The following APC variants were observed in gnomAD, a reference collection of about 807,000 sequenced individuals.
APC encodes APC regulator of Wnt signaling pathway.
In APC, 72 loss-of-function variants were observed where a neutral mutation model predicts 247.0. The ratio of observed to expected loss-of-function variants is 0.29; its 90% CI spans 0.24 to 0.35. The LOEUF is 0.35. Ranked by LOEUF, APC falls within the 10% of genes least tolerant of loss-of-function variation. The pLI is 1.00. For missense variants in APC, 3,400 were observed against 3,360.7 expected (o/e 1.01, Z -0.29); for synonymous variants, 1,254 against 1,162.5 (o/e 1.08, Z -1.60).
intron 2 of APC, among the ~76,000 whole-genome samples, chr5:112,761,867 CAT>C (rs957700999): frequency 6.6e-6 from 1 of 152,040 alleles, no homozygotes; most frequent in Non-Finnish European, 1.5e-5. Flanking sequence ...AAAGACTAAA[CAT>C]AAAAATGTAT....
chr5:112,717,967 G>A (rs1581019845), intron 1 of APC, among the ~76,000 whole-genome samples: 1 of 57,096 alleles, frequency 1.8e-5, no homozygotes, highest in Non-Finnish European at 3.4e-5. Context: ...GCATTGTTCT[G>A]GATATTGCTT....
intron 15 of APC, among the ~76,000 whole-genome samples, chr5:112,836,903 G>A (rs1218171734): frequency 6.6e-6 from 1 of 152,016 alleles, no homozygotes; most frequent in African/African-American, 2.4e-5. Context: ...GTTTCACCAT[G>A]TTGGCCAGGC....
chr5:112,809,277 A>C (rs906710474), intron 8 of APC, among the ~76,000 whole-genome samples: 4 of 152,016 alleles, frequency 2.6e-5, no homozygotes, highest in Non-Finnish European at 5.9e-5. Context: ...TGACCCTGGA[A>C]GGTCAAGACT....
chr5:112,715,043 T>C (rs930883303), intron 1 of APC, among the ~76,000 whole-genome samples: 1 of 152,220 alleles, frequency 6.6e-6, no homozygotes, highest in South Asian at 2.1e-4. Flanking sequence ...TCATCAGTTA[T>C]TTTTGAATCC....
chr5:112,807,872 T>C (rs547921709), intron 8 of APC, among the ~76,000 whole-genome samples: 44 of 152,294 alleles, frequency 2.9e-4, no homozygotes, highest in Non-Finnish European at 5.3e-4. Flanking sequence ...AATACATAAC[T>C]GGCCAGGTGT....
chr5:112,842,268 C>G lies in APC; in HGVS notation c.6674C>G (p.Ser2225Cys), dbSNP rs759307079. Residue 2225 changes from serine (S) to cysteine (C), a missense_variant, in exon 16 of 16, where the codon TCT becomes TGT. Coordinates refer to ENST00000257430, the MANE Select transcript of APC (RefSeq NM_000038.6). ...QPLQANMPSISRGRTMIHIPG... is the reference protein window; with the variant it reads ...QPLQANMPSICRGRTMIHIPG... The stretch of plus-strand genomic sequence containing the variant: ...CTTCAAGCAAACATGCCTTCAATCT[C>G]TCGAGGCAGGACAATGATTCATATT... 3.1e-6 allele frequency: 5 copies of G among 1,614,014 alleles called. No individual in the cohort carries two copies. The highest frequency in any genetic ancestry group is 1.7e-4 in the Middle Eastern group (1 of 6,060).
chr5:112,710,570 G>T (rs752331137), intron 1 of APC, among the ~76,000 whole-genome samples: 1 of 152,040 alleles, frequency 6.6e-6, no homozygotes, highest in South Asian at 2.1e-4. Context: ...ATAGATGCTT[G>T]TATCTTCTGC....
upstream of APC, among the ~76,000 whole-genome samples, chr5:112,737,077 C>T (rs556152731): frequency 2.3e-4 from 35 of 152,282 alleles, no homozygotes; most frequent in South Asian, 1.4e-3. Context: ...TTAAGCATCA[C>T]CTGGTTCGAT....
At chr5:112,833,535 G>A (rs1018332121) in intron 14 of APC, among the ~76,000 whole-genome samples, 1 of 152,028 alleles carries the variant, frequency 6.6e-6, no homozygotes, top group African/African-American at 2.4e-5. Context: ...TGTTGCCCAG[G>A]CTGGTTTTTA....
upstream of APC, among the ~76,000 whole-genome samples, chr5:112,737,350 A>G (rs984167265): frequency 8.5e-5 from 13 of 152,210 alleles, no homozygotes; most frequent in Admixed American, 6.5e-5. Context: ...GATCTCCACT[A>G]CTAAGCTGCT....
At chr5:112,799,950 A>G (rs762611115) in intron 7 of APC, among the ~76,000 whole-genome samples, 1 of 152,162 alleles carries the variant, frequency 6.6e-6, no homozygotes, top group African/African-American at 2.4e-5. Context: ...GCACTTCCCA[A>G]GAGAGCTCTT....
In APC at chr5:112,768,867, A is replaced by G. The variant is rs75734746; in HGVS notation, c.422+1477A>G. 3.3e-5 allele frequency among the ~76,000 whole-genome samples: 5 copies of G among 152,092 alleles called. No individual in the cohort carries two copies. Among genetic ancestry groups the G allele is most frequent in the Non-Finnish European group, 7.4e-5 (5 of 68,020 alleles). ...AGTAGCGTAGAACACAGTCTTATAC[A>G]GTAGTGTAGAACACAGTCCTATACA... On this transcript the variant is annotated intron_variant, in intron 4 of 15. Coordinates refer to ENST00000257430, the MANE Select transcript of APC (RefSeq NM_000038.6).
In APC at chr5:112,842,685, T is replaced by G. The variant is rs778574209; in HGVS notation, c.7091T>G (p.Met2364Arg). Reference sequence around the variant, plus strand: ...ACTAAGTCCTCAGGTTCTGGAAAAATGTCATATACATCTCCAGGTAGACAG... The same window carrying G: ...ACTAAGTCCTCAGGTTCTGGAAAAAGGTCATATACATCTCCAGGTAGACAG... ...ASTKSSGSGK[M>R]SYTSPGRQMS... is the part of the protein sequence containing the mutation. Residue 2364 changes from methionine (M) to arginine (R), a missense_variant, in exon 16 of 16, where the codon ATG becomes AGG. By Grantham distance (91) the Met-to-Arg change is moderately conservative (BLOSUM62 -1). Coordinates refer to ENST00000257430, the MANE Select transcript of APC (RefSeq NM_000038.6). The G allele has an allele frequency of 6.2e-7, 1 of 1,613,434 alleles. No individual in the cohort carries two copies. The highest frequency in any genetic ancestry group is 1.7e-5 in the Admixed American group (1 of 60,006).
intron 2 of APC, among the ~76,000 whole-genome samples, chr5:112,759,703 C>T (rs1169115055): frequency 6.6e-6 from 1 of 152,154 alleles, no homozygotes; most frequent in African/African-American, 2.4e-5. Flanking sequence ...ACTTCTAAGA[C>T]AATGTGTGAT....
chr5:112,779,532 T>C (rs1331038998), intron 5 of APC, among the ~76,000 whole-genome samples: 2 of 152,212 alleles, frequency 1.3e-5, no homozygotes, highest in Admixed American at 6.5e-5. Flanking sequence ...TAAGTATTTT[T>C]TATTTTCACA....
intron 6 of APC, among the ~76,000 whole-genome samples, chr5:112,785,920 A>T (rs1257782273): frequency 2.0e-5 from 3 of 152,214 alleles, no homozygotes; most frequent in African/African-American, 7.2e-5. Flanking sequence ...ATGGAAACTC[A>T]AAAGCAATAA....
chr5:112,810,725 A>G (rs369798753), intron 8 of APC, among the ~76,000 whole-genome samples: 131 of 152,346 alleles, frequency 8.6e-4, no homozygotes, highest in African/African-American at 2.8e-3. Flanking sequence ...TAGCAAGAGA[A>G]TTATGAAAGT....
At chr5:112,833,473 G>T (rs144732664) in intron 14 of APC, among the ~76,000 whole-genome samples, 5 of 151,908 alleles carry the variant, frequency 3.3e-5, no homozygotes, top group African/African-American at 1.2e-4. Flanking sequence ...GAGCCATTGC[G>T]CCTGGCCGCC....
At position 112,843,632 on chromosome 5, in the gene APC, C is replaced by G. The variant is rs587780553; in HGVS notation, c.8038C>G (p.Pro2680Ala). Residue 2680 changes from proline (P) to alanine (A), a missense_variant, in exon 16 of 16, where the codon CCC becomes GCC. By Grantham distance (27) the Pro-to-Ala change is conservative. Around this residue, in one of 9 missense-constraint regions of APC, gnomAD observed 1,788 missense variants for 1,649.5 expected, o/e 1.08. Transcript: ENST00000257430. This position sits in a 1 kb window ranked among gnomAD's most constrained non-coding sequence, Gnocchi z 4.8. ...TGGAAGATCTCCCACAGGTAATACTCCCCCGGTGATTGACAGTGTTTCAGA... is the reference window on the plus strand; with the variant it reads ...TGGAAGATCTCCCACAGGTAATACTGCCCCGGTGATTGACAGTGTTTCAGA... Reference protein sequence around the residue: ...RSGRSPTGNTPPVIDSVSEKA... With the variant: ...RSGRSPTGNTAPVIDSVSEKA... 7 of 1,613,696 alleles carry G rather than the reference C, an allele frequency of 4.3e-6. No homozygotes were observed. Among genetic ancestry groups the G allele is most frequent in the Non-Finnish European group, 5.9e-6 (7 of 1,179,710 alleles).
Sources: gnomAD v4.1 joint callset for allele counts (sites outside exome capture counted in the v4.1 genomes callset) on GRCh38, gnomAD v4.1.1 for gene constraint, gnomAD v4.1.1 regional missense constraint, Gnocchi (gnomAD v3.1) non-coding constraint, MANE v1.5 for transcripts, NCBI Gene and HGNC (gene_info 2026-07-23, HGNC 2026-07-21) for gene names.